Variants in SUMF1 observed in about 807,000 individuals in gnomAD.
SUMF1 encodes the protein sulfatase modifying factor 1, also known as formylglycine-generating enzyme.
A neutral mutation model predicts 47.6 loss-of-function variants in SUMF1; 48 were observed. The observed-to-expected ratio is 1.01, with a 90% CI of 0.80 to 1.28. The LOEUF (loss-of-function observed/expected upper bound fraction) is 1.28, where lower values mean the gene tolerates loss of function less well. Ranked by LOEUF, SUMF1 falls within the 50% of genes most tolerant of loss-of-function variation. SUMF1 has a pLI of 0.00. For missense variants in SUMF1, 571 were observed against 485.4 expected (o/e 1.18, Z -1.66); for synonymous variants, 230 against 192.1 (o/e 1.20, Z -1.63).
At chr3:4,403,084 A>T (rs777608719) in intron 7 of SUMF1, among the ~76,000 whole-genome samples, 2 of 152,204 alleles carry the variant, frequency 1.3e-5, no homozygotes, top group Non-Finnish European at 2.9e-5. Flanking sequence ...CATGTATCCC[A>T]TGCTATCTGC....
At chr3:4,195,783 A>G (rs1458270434) in intron 8 of SUMF1, among the ~76,000 whole-genome samples, 2 of 152,052 alleles carry the variant, frequency 1.3e-5, no homozygotes, top group Non-Finnish European at 2.9e-5. Context: ...TAAAGCTAGG[A>G]CTTTTTTTTT....
intron 8 of SUMF1, among the ~76,000 whole-genome samples, chr3:4,077,504 C>T (rs986943700): frequency 1.3e-5 from 2 of 152,054 alleles, no homozygotes; most frequent in Non-Finnish European, 1.5e-5. Context: ...ATGTCCTTTG[C>T]AGGGACATGG....
downstream of SUMF1, chr3:4,361,015 A>T (rs1699738579): frequency 6.6e-6 from 1 of 152,260 alleles, no homozygotes; most frequent in African/African-American, 2.4e-5. Context: ...CAAATTACCC[A>T]CATATCAAAG....
intron 8 of SUMF1, among the ~76,000 whole-genome samples, chr3:4,368,805 C>T (rs376717925): frequency 2.0e-4 from 31 of 152,170 alleles, no homozygotes; most frequent in African/African-American, 7.2e-4. Context: ...CTCCACATGC[C>T]AAAAATAACC....
intron 8 of SUMF1, among the ~76,000 whole-genome samples, chr3:4,339,629 A>G (rs961122594): frequency 6.6e-6 from 1 of 152,102 alleles, no homozygotes. Flanking sequence ...TGCCCCCTGG[A>G]AAGAGGTCTT....
At chr3:4,393,194 C>T (rs1349476014) in intron 7 of SUMF1, among the ~76,000 whole-genome samples, 3 of 152,170 alleles carry the variant, frequency 2.0e-5, no homozygotes, top group Non-Finnish European at 4.4e-5. Context: ...GCAGGATTTC[C>T]CAAAATATTC....
chr3:4,194,491 C>T (rs1695386667), intron 8 of SUMF1, among the ~76,000 whole-genome samples: 1 of 152,086 alleles, frequency 6.6e-6, no homozygotes, highest in South Asian at 2.1e-4. Context: ...GGAGAAAAGC[C>T]CACCGTCTGC....
intron 8 of SUMF1, among the ~76,000 whole-genome samples, chr3:4,227,463 G>C (rs1205298612): frequency 6.6e-6 from 1 of 152,068 alleles, no homozygotes; most frequent in East Asian, 1.9e-4. Flanking sequence ...AGATCCATCG[G>C]CTTTCATCTA....
chr3:4,056,962 G>T (rs1695202757), intron 9 of SUMF1, among the ~76,000 whole-genome samples: 1 of 151,876 alleles, frequency 6.6e-6, no homozygotes, highest in African/African-American at 2.4e-5. Flanking sequence ...TAGCCAGGAT[G>T]GTCTCGATCT....
intron 8 of SUMF1, among the ~76,000 whole-genome samples, chr3:4,184,652 T>G (rs1360460927): frequency 8.4e-5 from 2 of 23,922 alleles, no homozygotes; most frequent in East Asian, 2.1e-3. Context: ...TTTCCCTGGA[T>G]TTTTTTTTTT....
chr3:4,159,439 T>C (rs747667784), intron 8 of SUMF1, among the ~76,000 whole-genome samples: 11 of 147,814 alleles, frequency 7.4e-5, no homozygotes, highest in Admixed American at 2.6e-4. Flanking sequence ...ATACAAACTC[T>C]ACATTTTAAC....
intron 8 of SUMF1, among the ~76,000 whole-genome samples, chr3:4,163,117 G>C (rs1296267997): frequency 7.7e-6 from 1 of 129,398 alleles, no homozygotes; most frequent in Non-Finnish European, 1.7e-5. Flanking sequence ...CTAAGCAGCA[G>C]CCTGAAAAAA....
chr3:4,461,171 G>T (rs1392621771), intron 1 of SUMF1, among the ~76,000 whole-genome samples: 1 of 152,156 alleles, frequency 6.6e-6, no homozygotes, highest in East Asian at 1.9e-4. Context: ...ATTTATAACA[G>T]TTCTAGACAT....
At chr3:4,085,938 C>T (rs1268887401) in intron 8 of SUMF1, among the ~76,000 whole-genome samples, 1 of 151,874 alleles carries the variant, frequency 6.6e-6, no homozygotes, top group African/African-American at 2.4e-5. Flanking sequence ...ATACTCAAAC[C>T]ACCTAGTCTA....
intron 8 of SUMF1, among the ~76,000 whole-genome samples, chr3:4,168,285 T>C (rs1430664206): frequency 6.6e-6 from 1 of 152,158 alleles, no homozygotes; most frequent in Non-Finnish European, 1.5e-5. Context: ...CAAAAACATA[T>C]GCAAAATTTC....
At chr3:4,056,738 A>ATTT (rs563250268) in intron 9 of SUMF1, among the ~76,000 whole-genome samples, 1 of 151,738 alleles carries the variant, frequency 6.6e-6, no homozygotes, top group Non-Finnish European at 1.5e-5. Flanking sequence ...GTGATCCATA[A>ATTT]TTTTTTTTAT....
chr3:4,209,328 T>C (rs748986597), intron 8 of SUMF1, among the ~76,000 whole-genome samples: 6 of 152,168 alleles, frequency 3.9e-5, no homozygotes, highest in African/African-American at 1.4e-4. Context: ...GCAAACATCA[T>C]GGAGAACAAA....
At chr3:4,168,637 G>T (rs1314448174) in intron 8 of SUMF1, among the ~76,000 whole-genome samples, 1 of 152,102 alleles carries the variant, frequency 6.6e-6, no homozygotes, top group Non-Finnish European at 1.5e-5. Context: ...TTTTTTTAAT[G>T]AGTTCTCAAG....
At position 4,456,081 on chromosome 3, in the gene SUMF1, C is replaced by T. The variant is rs113087565; in HGVS notation, c.271-3032G>A. Reference sequence around the variant, plus strand: ...AGGATGATTCAACATATGCAAACTACAAATGTGATATACCATGTTAGCAGA... The same window carrying T: ...AGGATGATTCAACATATGCAAACTATAAATGTGATATACCATGTTAGCAGA... On this transcript the variant is annotated intron_variant, in intron 1 of 8. Coordinates refer to ENST00000272902, the MANE Select transcript of SUMF1 (RefSeq NM_182760.4). Among the ~76,000 whole-genome samples, 30 of 152,258 alleles carry T rather than the reference C, an allele frequency of 2.0e-4. No homozygotes were observed. The South Asian group carries it at 5.0e-3, about 25-fold the overall frequency.
Sources: gnomAD v4.1 joint callset for allele counts (sites outside exome capture counted in the v4.1 genomes callset) on GRCh38, gnomAD v4.1.1 for gene constraint, MANE v1.5 for transcripts, NCBI Gene and HGNC (gene_info 2026-07-23, HGNC 2026-07-21) for gene names.